SMARCA2: variants seen among roughly 807,000 people sequenced by gnomAD.
SMARCA2 encodes the protein SWI/SNF-related matrix-associated actin-dependent regulator of chromatin subfamily A member 2.
Under a neutral mutation model 199.8 loss-of-function variants are expected in SMARCA2, and 61 were observed. That is an observed-to-expected ratio of 0.31 (90% confidence interval 0.25 to 0.38). The LOEUF is 0.38. Among genes scored for constraint, SMARCA2 ranks in the 10% least tolerant of loss-of-function variants. The pLI is 1.00. For missense variants in SMARCA2, 1,344 were observed against 2,012.2 expected, an observed-to-expected ratio of 0.67 and a Z score of 6.35; for synonymous variants, 935 against 732.0, an observed-to-expected ratio of 1.28 and a Z score of -4.48.
chr9:2,114,183 A>G (rs11792418), intron 24 of SMARCA2, among the ~76,000 whole-genome samples: 47,240 of 152,058 alleles, frequency 0.31, 9,383 homozygotes, highest in African/African-American at 0.57. Context: ...GGGTGTTTTA[A>G]AGTTCTTTGT....
intron 2 of SMARCA2, among the ~76,000 whole-genome samples, chr9:2,029,540 T>G (rs1818971863): frequency 6.6e-6 from 1 of 152,234 alleles, no homozygotes; most frequent in East Asian, 1.9e-4. Context: ...CTTGGTGAAT[T>G]AGTACATTAG....
rs1823188279 is a variant in SMARCA2, at chr9:2,115,752, G to A, written c.3457-70G>A. On this transcript the variant is annotated intron_variant, in intron 24 of 33. Coordinates refer to ENST00000349721, the MANE Select transcript of SMARCA2 (RefSeq NM_003070.5). The surrounding 1 kb of genome is among the most constrained non-coding windows in gnomAD (Gnocchi z 6.0). ...CAGAACCCTTCCATATTTCCCTCTG[G>A]GGTGGGGTCCGGTTTTGGATGCCTA... The A allele has an allele frequency of 3.3e-6, 4 of 1,218,442 alleles. No homozygotes were observed. Among genetic ancestry groups the A allele is most frequent in the Middle Eastern group, 2.3e-4 (1 of 4,256 alleles). The allele number at this position is 1,218,442 out of a possible 1,614,324, so 75.5% of individuals were successfully genotyped here. A position where few individuals can be genotyped will look rare whatever the true frequency, so the allele number is the denominator to read the frequency against.
intron 32 of SMARCA2, among the ~76,000 whole-genome samples, chr9:2,188,282 G>A (rs756932804): frequency 3.9e-5 from 6 of 152,034 alleles, no homozygotes; most frequent in African/African-American, 9.7e-5. Flanking sequence ...CAATAATGCT[G>A]TCCTGAGCAT....
chr9:2,057,035 T>C (rs1311091467), intron 7 of SMARCA2, among the ~76,000 whole-genome samples, 190 bp downstream of exon 7: 1 of 152,184 alleles, frequency 6.6e-6, no homozygotes, highest in African/African-American at 2.4e-5. Flanking sequence ...AGCCAGGACG[T>C]ATAAATGACT....
chr9:2,190,553 C>G (rs1305213991), intron 32 of SMARCA2, among the ~76,000 whole-genome samples: 1 of 152,048 alleles, frequency 6.6e-6, no homozygotes, highest in Non-Finnish European at 1.5e-5. Context: ...ATAAAGAATT[C>G]AAGTATGTAC....
intron 27 of SMARCA2, among the ~76,000 whole-genome samples, chr9:2,140,891 G>A (rs1296812886): frequency 6.6e-6 from 1 of 152,068 alleles, no homozygotes; most frequent in South Asian, 2.1e-4. Context: ...GCTGTACTGG[G>A]CACTTGGTGC....
In SMARCA2 at chr9:2,161,656, G is replaced by A. The variant is rs371549008; in HGVS notation, c.3982-30G>A. On this transcript the variant is annotated intron_variant, in intron 27 of 33. Coordinates refer to ENST00000349721, the MANE Select transcript of SMARCA2 (RefSeq NM_003070.5). The surrounding 1 kb of genome is among the most constrained non-coding windows in gnomAD (Gnocchi z 4.7). ...TTTGTCTTGGTTATTCTCTTGTCTT[G>A]AATTTGTCTCCTTTGTTTCCAACGA... The A allele has an allele frequency of 1.9e-5, 29 of 1,501,162 alleles. No homozygotes were observed. Among genetic ancestry groups the A allele is most frequent in the Non-Finnish European group, 2.7e-5 (29 of 1,082,616 alleles). The allele number at this position is 1,501,162 out of a possible 1,614,324, so 93.0% of individuals were successfully genotyped here.
In SMARCA2 at chr9:2,081,990, C is replaced by T. The variant is rs374332187; in HGVS notation, c.2343C>T (p.Pro781=). 33 of 1,612,324 alleles carry T rather than the reference C, an allele frequency of 2.0e-5. No individual in the cohort carries two copies. The highest frequency in any genetic ancestry group is 1.5e-4 in the African/African-American group (11 of 74,830). Residue 781 remains proline (P), a synonymous_variant, in exon 15 of 34, where the codon CCC becomes CCT. Coordinates refer to ENST00000349721, the MANE Select transcript of SMARCA2 (RefSeq NM_003070.5). ...RLNGPYLIIV[P]LSTLSNWTYE... is the part of the protein sequence containing the mutation. ...ATGGCCCCTATCTCATCATTGTTCC[C>T]CTTTCGTAAGTAAAGTCATTTATTC...
chr9:2,120,901 C>T (rs1205261980), intron 26 of SMARCA2, among the ~76,000 whole-genome samples: 3 of 152,164 alleles, frequency 2.0e-5, no homozygotes, highest in Non-Finnish European at 2.9e-5. Flanking sequence ...CACTGGTCAG[C>T]ATAATCAAAG....
At position 2,039,767 on chromosome 9, in the gene SMARCA2, GCAGCAGCAA is replaced by G. The variant is rs1452229971; in HGVS notation, c.666_674del (p.Gln236_Gln238del). 4 of 1,608,392 alleles carry G rather than the reference GCAGCAGCAA, an allele frequency of 2.5e-6. No individual in the cohort carries two copies. Among genetic ancestry groups the G allele is most frequent in the African/African-American group, 1.4e-5 (1 of 73,318 alleles). ...CGTTGCCTGGCTTGCAGCAACAACA[GCAGCAGCAA>G]CAGCAGCAGCAGCAGCAGCAGCAGC... On this transcript the variant is annotated inframe_deletion, in exon 4 of 34. Coordinates refer to ENST00000349721, the MANE Select transcript of SMARCA2 (RefSeq NM_003070.5). This position sits in a 1 kb window ranked among gnomAD's most constrained non-coding sequence, Gnocchi z 4.8.
Position 2,097,559 on chromosome 9 carries a change from AC to A in SMARCA2, c.3078+90del, listed in dbSNP as rs1010096635. On this transcript the variant is annotated intron_variant, in intron 21 of 33. Transcript: ENST00000349721. ...AAACAAACAAACAGGAAAAAAAAAA[AC>A]CAAAATAGATTTAAAACATGTTGGC... 6.2e-5 allele frequency: 48 copies of A among 778,198 alleles called. 1 individual carries two copies. The highest frequency in any genetic ancestry group is 3.4e-4 in the East Asian group (13 of 38,750). 48.2% of individuals were successfully genotyped at this position (778,198 alleles called of 1,614,324 possible).
At chr9:2,177,382 T>A (rs904226707) in intron 29 of SMARCA2, among the ~76,000 whole-genome samples, 1 of 152,162 alleles carries the variant, frequency 6.6e-6, no homozygotes, top group African/African-American at 2.4e-5. Flanking sequence ...ACAATTTATT[T>A]CAGCTATGGT....
At chr9:2,153,717 AGTT>A (rs1825195599) in intron 27 of SMARCA2, among the ~76,000 whole-genome samples, 1 of 152,194 alleles carries the variant, frequency 6.6e-6, no homozygotes, top group African/African-American at 2.4e-5. Context: ...AATTTTTTAA[AGTT>A]GTGGAACAGT....
At chr9:2,150,429 C>T (rs543674969) in intron 27 of SMARCA2, among the ~76,000 whole-genome samples, 1 of 151,722 alleles carries the variant, frequency 6.6e-6, no homozygotes, top group East Asian at 1.9e-4. Context: ...ATTCCCATCT[C>T]CATCAGGTGA....
intron 27 of SMARCA2, chr9:2,160,142 G>A: frequency 1.8e-6 from 1 of 545,390 alleles, no homozygotes; most frequent in Non-Finnish European, 3.2e-6. Flanking sequence ...TCGCTTAGCT[G>A]CAGTGTGTTT....
intron 27 of SMARCA2, chr9:2,160,105 T>C (rs3793504): frequency 0.24 from 155,655 of 648,914 alleles, 24,661 homozygotes; most frequent in African/African-American, 0.56. Flanking sequence ...CTCCAAGATA[T>C]GCGGGACAAT....
At chr9:2,043,567 T>C (rs1819703569) in intron 4 of SMARCA2, 1 of 152,162 alleles carries the variant, frequency 6.6e-6, no homozygotes, top group African/African-American at 2.4e-5. Flanking sequence ...ATATCTGAAA[T>C]TTTATATGCT....
chr9:2,144,332 C>T (rs543005896), intron 27 of SMARCA2, among the ~76,000 whole-genome samples: 1 of 152,134 alleles, frequency 6.6e-6, no homozygotes, highest in South Asian at 2.1e-4. Context: ...ACTTTCTTGG[C>T]CAGATGAGGA....
At position 2,169,857 on chromosome 9, in the gene SMARCA2, C is replaced by G. The variant is rs1397859971; in HGVS notation, c.4200-562C>G. Among the ~76,000 whole-genome samples, 4 of 152,322 alleles carry G rather than the reference C, an allele frequency of 2.6e-5. No homozygotes were observed. The highest frequency in any genetic ancestry group is 3.9e-4 in the East Asian group (2 of 5,188). On this transcript the variant is annotated intron_variant, in intron 28 of 33. Coordinates refer to ENST00000349721, the MANE Select transcript of SMARCA2 (RefSeq NM_003070.5). The surrounding 1 kb of genome is among the most constrained non-coding windows in gnomAD (Gnocchi z 6.5). Reference sequence around the variant, plus strand: ...TTTATTTTCATTTCCCACTAAAGATCATGAATTCAGTGATCTCTCGAAAAG... The same window carrying G: ...TTTATTTTCATTTCCCACTAAAGATGATGAATTCAGTGATCTCTCGAAAAG...
Sources: allele counts gnomAD v4.1 joint callset (sites outside exome capture counted in the v4.1 genomes callset), GRCh38; gene constraint gnomAD v4.1.1; non-coding constraint Gnocchi (gnomAD v3.1); transcripts MANE v1.5; gene names NCBI Gene and HGNC (gene_info 2026-07-23, HGNC 2026-07-21).